Variants in PHF20 observed in about 807,000 individuals in gnomAD.
The protein encoded by PHF20 is PHD finger protein 20, also known as glioma-expressed antigen 2.
PHF20 carries 23 observed loss-of-function variants against 113.5 expected under a neutral mutation model. The observed-to-expected ratio is 0.20, with a 90% CI of 0.15 to 0.29. PHF20 has a LOEUF of 0.29. PHF20 is among the 10% of genes least tolerant of loss of function. The probability of loss-of-function intolerance (pLI) is 1.00; values close to 1 mark genes in which losing one functional copy is unlikely to be tolerated. For synonymous variants in PHF20, 434 were observed against 457.3 expected, an observed-to-expected ratio of 0.95 and a Z score of 0.65; for missense variants, 943 against 1,219.6, an observed-to-expected ratio of 0.77 and a Z score of 3.38.
intron 2 of PHF20, among the ~76,000 whole-genome samples, chr20:35,804,342 T>C (rs1396063321): frequency 6.7e-6 from 1 of 150,216 alleles, no homozygotes; most frequent in Admixed American, 6.7e-5. Context: ...CACGCCATTC[T>C]CCTGCCTCAG....
At chr20:35,839,896 C>A (rs888953361) in intron 2 of PHF20, among the ~76,000 whole-genome samples, 16 of 152,108 alleles carry the variant, frequency 1.1e-4, no homozygotes, top group East Asian at 1.9e-4. Context: ...GAATACATGA[C>A]CTTTGGGAAG....
At chr20:35,859,791 C>T (rs1214217550) in intron 5 of PHF20, among the ~76,000 whole-genome samples, 1 of 152,130 alleles carries the variant, frequency 6.6e-6, no homozygotes, top group Non-Finnish European at 1.5e-5. Context: ...GCAATCTGCC[C>T]ACCTCGGCCT....
At chr20:35,834,098 G>T (rs1395683712) in intron 2 of PHF20, among the ~76,000 whole-genome samples, 1 of 151,248 alleles carries the variant, frequency 6.6e-6, no homozygotes, top group East Asian at 1.9e-4. Context: ...AGGCGGGAGG[G>T]TTTATTCAAG....
chr20:35,796,712 A>G (rs1328518951), intron 1 of PHF20, among the ~76,000 whole-genome samples: 1 of 152,182 alleles, frequency 6.6e-6, no homozygotes, highest in Admixed American at 6.6e-5. Context: ...GTTTATATCT[A>G]AAGATATGAA....
intron 1 of PHF20, among the ~76,000 whole-genome samples, chr20:35,800,679 C>T (rs1003003660): frequency 6.6e-6 from 1 of 151,936 alleles, no homozygotes; most frequent in Non-Finnish European, 1.5e-5. Context: ...GCCTAGGCTC[C>T]AGAATTGCTT....
intron 9 of PHF20, among the ~76,000 whole-genome samples, chr20:35,892,081 A>G: frequency 6.8e-6 from 1 of 148,100 alleles, no homozygotes. Context: ...TAAGCGGGGG[A>G]CAGTCTCGTT....
intron 9 of PHF20, among the ~76,000 whole-genome samples, chr20:35,893,814 C>G (rs1568721529): frequency 6.6e-6 from 1 of 152,092 alleles, no homozygotes; most frequent in Non-Finnish European, 1.5e-5. Flanking sequence ...TGGGGTTTCA[C>G]CATGTTGGCC....
intron 1 of PHF20, among the ~76,000 whole-genome samples, chr20:35,777,750 G>C (rs1342225299): frequency 6.6e-6 from 1 of 152,196 alleles, no homozygotes; most frequent in African/African-American, 2.4e-5. Flanking sequence ...AGTCTGCAGT[G>C]AGCTAGGATT....
At chr20:35,794,982 A>G (rs2041637259) in intron 1 of PHF20, among the ~76,000 whole-genome samples, 1 of 152,094 alleles carries the variant, frequency 6.6e-6, no homozygotes, top group Non-Finnish European at 1.5e-5. Context: ...ACCTGAGGTC[A>G]TGAGTTTGAG....
chr20:35,826,577 C>A (rs1431196192), intron 2 of PHF20, among the ~76,000 whole-genome samples: 1 of 152,132 alleles, frequency 6.6e-6, no homozygotes, highest in Admixed American at 6.6e-5. Flanking sequence ...GAAGGAATAA[C>A]ATCAGCAAAA....
intron 9 of PHF20, among the ~76,000 whole-genome samples, chr20:35,873,904 T>A (rs2054471913): frequency 6.6e-6 from 1 of 152,212 alleles, no homozygotes; most frequent in Non-Finnish European, 1.5e-5. Flanking sequence ...TCCATTAACC[T>A]CCCCCATGTT....
rs755484534 is a variant in PHF20, at chr20:35,914,044, A to G, written c.1672A>G (p.Ser558Gly). ...TCCTGTTCTTCCAGAATGCCCCTGC[A>G]GTGAGGAGATCAGTGACACCTCCCA... Reference protein sequence around the residue: ...KKKTKPECPCSEEISDTSQEP... With the variant: ...KKKTKPECPCGEEISDTSQEP... The change falls in exon 12 of 18, where the codon AGT (serine) becomes GGT (glycine). Residue 558 changes from serine to glycine, a missense_variant. Coordinates refer to ENST00000374012, the MANE Select transcript of PHF20 (RefSeq NM_016436.5). 79 of 1,614,032 alleles carry G rather than the reference A, an allele frequency of 4.9e-5. No individual in the cohort carries two copies. Among genetic ancestry groups the G allele is most frequent in the Non-Finnish European group, 6.4e-5 (75 of 1,180,014 alleles).
At chr20:35,877,425 CTTTCT>C in intron 9 of PHF20, among the ~76,000 whole-genome samples, 1 of 145,270 alleles carries the variant, frequency 6.9e-6, no homozygotes, top group Non-Finnish European at 1.5e-5. Context: ...CTATTCTTTT[CTTTCT>C]TTTCTTTTTT....
chr20:35,778,244 C>T (rs1042084494), intron 1 of PHF20, among the ~76,000 whole-genome samples: 2 of 152,064 alleles, frequency 1.3e-5, no homozygotes, highest in Admixed American at 6.6e-5. Context: ...CCACCATGCC[C>T]AACTAATTTT....
intron 4 of PHF20, among the ~76,000 whole-genome samples, chr20:35,852,242 T>C (rs756977715): frequency 8.5e-5 from 13 of 152,156 alleles, no homozygotes; most frequent in Non-Finnish European, 1.8e-4. Context: ...AGGGTTTTCC[T>C]AAGAGGGCAG....
intron 9 of PHF20, among the ~76,000 whole-genome samples, chr20:35,891,376 C>CA (rs11475386): frequency 0.1 from 7,666 of 76,344 alleles, 327 homozygotes; most frequent in African/African-American, 0.17. Context: ...GACTCTATGT[C>CA]AAAAAAAAAA....
intron 9 of PHF20, among the ~76,000 whole-genome samples, chr20:35,872,806 G>A (rs960798820): frequency 6.6e-6 from 1 of 152,102 alleles, no homozygotes; most frequent in Non-Finnish European, 1.5e-5. Context: ...TTAATTTATG[G>A]TCCAGCATAT....
At chr20:35,836,062 G>A (rs1296673846) in intron 2 of PHF20, among the ~76,000 whole-genome samples, 1 of 152,212 alleles carries the variant, frequency 6.6e-6, no homozygotes, top group African/African-American at 2.4e-5. Context: ...AGAGTAGAGT[G>A]CAGTGGCACA....
intron 1 of PHF20, among the ~76,000 whole-genome samples, chr20:35,798,220 C>A (rs1391728853): frequency 6.6e-6 from 1 of 151,852 alleles, no homozygotes; most frequent in Non-Finnish European, 1.5e-5. Context: ...TGAGACCAGC[C>A]CAGACAAACA....
Sources: allele counts gnomAD v4.1 joint callset (sites outside exome capture counted in the v4.1 genomes callset), GRCh38; gene constraint gnomAD v4.1.1; transcripts MANE v1.5; gene names NCBI Gene and HGNC (gene_info 2026-07-23, HGNC 2026-07-21).